The following MAP2K1 variants were observed in gnomAD, a reference collection of about 807,000 sequenced individuals.
MAP2K1 encodes the protein mitogen-activated protein kinase kinase 1.
Under a neutral mutation model 46.3 loss-of-function variants are expected in MAP2K1, and 16 were observed. That is an observed-to-expected ratio of 0.35 (90% CI 0.23 to 0.52). MAP2K1 has a LOEUF of 0.52. Ranked by LOEUF, MAP2K1 falls within the 20% of genes least tolerant of loss-of-function variation. MAP2K1 has a pLI of 0.94. For synonymous variants in MAP2K1, 183 were observed against 185.6 expected (o/e 0.99, Z 0.11); for missense variants, 263 against 497.1 (o/e 0.53, Z 4.48).
chr15:66,403,181 A>G (rs1222789030), intron 1 of MAP2K1, among the ~76,000 whole-genome samples: 1 of 152,202 alleles, frequency 6.6e-6, no homozygotes, highest in Non-Finnish European at 1.5e-5. Flanking sequence ...CATATTACAT[A>G]CAGTACATGT....
chr15:66,479,378 G>A (rs571853339), intron 5 of MAP2K1, among the ~76,000 whole-genome samples: 1 of 152,296 alleles, frequency 6.6e-6, no homozygotes, highest in Admixed American at 6.5e-5. Flanking sequence ...GATTACAGGC[G>A]TGAGCCACCA....
At chr15:66,392,255 GTTTTTTTTT>G (rs58831070) in intron 1 of MAP2K1, among the ~76,000 whole-genome samples, 1 of 97,758 alleles carries the variant, frequency 1.0e-5, no homozygotes, top group African/African-American at 4.5e-5. Flanking sequence ...TTTTTTTTGG[GTTTTTTTTT>G]TTTTTTTTTT....
At chr15:66,487,602 CAAA>C (rs753647940) in intron 8 of MAP2K1, among the ~76,000 whole-genome samples, 3 of 146,872 alleles carry the variant, frequency 2.0e-5, no homozygotes, top group Non-Finnish European at 2.9e-5. Context: ...CAAAACAAAA[CAAA>C]AAAACAAAAA....
chr15:66,464,454 G>A (rs931631432), intron 5 of MAP2K1, among the ~76,000 whole-genome samples: 4 of 152,152 alleles, frequency 2.6e-5, no homozygotes, highest in Admixed American at 6.5e-5. Context: ...CTTTAAGAAA[G>A]CACAGCTTAG....
chr15:66,474,864 A>G (rs1409177657), intron 5 of MAP2K1, among the ~76,000 whole-genome samples: 7 of 151,522 alleles, frequency 4.6e-5, no homozygotes, highest in Non-Finnish European at 7.4e-5. Flanking sequence ...AGATCATGCC[A>G]CTGCACGCTA....
chr15:66,456,955 G>C (rs1892179822), intron 5 of MAP2K1, among the ~76,000 whole-genome samples: 1 of 152,162 alleles, frequency 6.6e-6, no homozygotes, highest in South Asian at 2.1e-4. Flanking sequence ...GGGTCAGAAA[G>C]ACAAAACACT....
intron 1 of MAP2K1, among the ~76,000 whole-genome samples, chr15:66,427,522 C>T (rs542829051): frequency 2.6e-5 from 4 of 151,312 alleles, no homozygotes; most frequent in African/African-American, 9.7e-5. Context: ...TGCACCACTG[C>T]ACTCCAGCCT....
intron 1 of MAP2K1, among the ~76,000 whole-genome samples, chr15:66,393,605 C>T (rs143089389): frequency 6.6e-6 from 1 of 152,218 alleles, no homozygotes; most frequent in Non-Finnish European, 1.5e-5. Flanking sequence ...TTTCCTTAAT[C>T]TGTAAAGTGG....
intron 5 of MAP2K1, among the ~76,000 whole-genome samples, chr15:66,464,341 T>C (rs766516348): frequency 6.6e-6 from 1 of 152,150 alleles, no homozygotes; most frequent in South Asian, 2.1e-4. Flanking sequence ...AAAAGTGATA[T>C]AGGCCACATT....
intron 1 of MAP2K1, among the ~76,000 whole-genome samples, chr15:66,402,897 A>G (rs1310617249): frequency 6.6e-6 from 1 of 152,200 alleles, no homozygotes; most frequent in Non-Finnish European, 1.5e-5. Flanking sequence ...CTGGTGTCTC[A>G]GGGAACACTA....
rs763249437 is a variant in MAP2K1 at position 66,489,241 on chromosome 15, G to A, written c.987G>A (p.Val329=). 2 of 1,614,136 alleles carry A rather than the reference G, an allele frequency of 1.2e-6. No homozygotes were observed. The highest frequency in any genetic ancestry group is 1.7e-6 in the Non-Finnish European group (2 of 1,179,994). The change falls in exon 9 of 11, where the codon GTG becomes GTA. Residue 329 remains valine, a synonymous_variant. Coordinates refer to ENST00000307102, the MANE Select transcript of MAP2K1 (RefSeq NM_002755.4). Reference sequence around the variant, plus strand: ...CTCCTCCAAAACTGCCCAGTGGAGTGTTCAGTCTGGAATTTCAAGATTTTG... The same window carrying A: ...CTCCTCCAAAACTGCCCAGTGGAGTATTCAGTCTGGAATTTCAAGATTTTG... ...NEPPPKLPSG[V]FSLEFQDFVN...
intron 1 of MAP2K1, among the ~76,000 whole-genome samples, chr15:66,430,648 C>G (rs1663565285): frequency 6.6e-6 from 1 of 152,094 alleles, no homozygotes; most frequent in African/African-American, 2.4e-5. Flanking sequence ...TGAACTTGTC[C>G]CTTTGGGCCT....
At chr15:66,435,326 C>A in intron 2 of MAP2K1, 89 bp downstream of exon 2, 2 of 1,054,186 alleles carry the variant, frequency 1.9e-6, no homozygotes, top group Non-Finnish European at 2.9e-6. Context: ...ACTGATTTTA[C>A]TCAATACCTT....
At chr15:66,473,092 T>G (rs1892678406) in intron 5 of MAP2K1, among the ~76,000 whole-genome samples, 1 of 152,190 alleles carries the variant, frequency 6.6e-6, no homozygotes. Context: ...TGTAGGTGGT[T>G]GATTGGGTTT....
rs2093415047 is a variant in MAP2K1, at chr15:66,412,980, C to A, written c.81-22047C>A. ...GCGTGATCTCGGCTCACTGCAACCT[C>A]CACCTCCCAGGTTCAAGCAATTCTC... On this transcript the variant is annotated intron_variant, in intron 1 of 10. Transcript: ENST00000307102. Among the ~76,000 whole-genome samples the A allele has an allele frequency of 2.0e-5, 3 of 152,116 alleles. No homozygotes were observed. The South Asian group carries it at 6.2e-4, about 31-fold the overall frequency.
At chr15:66,449,020 A>C (rs1160880568) in intron 5 of MAP2K1, among the ~76,000 whole-genome samples, 1 of 150,894 alleles carries the variant, frequency 6.6e-6, no homozygotes, top group African/African-American at 2.4e-5. Context: ...AAAAAAAAAA[A>C]AAAAAAAACA....
At chr15:66,454,767 C>T (rs1892119909) in intron 5 of MAP2K1, among the ~76,000 whole-genome samples, 1 of 152,004 alleles carries the variant, frequency 6.6e-6, no homozygotes, top group Non-Finnish European at 1.5e-5. Context: ...CCTGTAATCC[C>T]AGCTGCTCGG....
chr15:66,462,432 G>A (rs1457173528), intron 5 of MAP2K1, among the ~76,000 whole-genome samples: 3 of 149,442 alleles, frequency 2.0e-5, no homozygotes, highest in African/African-American at 7.5e-5. Context: ...GGGAGGCGGA[G>A]GTTGCAGTGA....
At chr15:66,426,974 C>T (rs1011088529) in intron 1 of MAP2K1, among the ~76,000 whole-genome samples, 2 of 152,200 alleles carry the variant, frequency 1.3e-5, no homozygotes, top group Non-Finnish European at 2.9e-5. Flanking sequence ...TTCTTGCCTG[C>T]ATATAAACCC....
Sources: allele counts gnomAD v4.1 joint callset (sites outside exome capture counted in the v4.1 genomes callset), GRCh38; gene constraint gnomAD v4.1.1; transcripts MANE v1.5; gene names NCBI Gene and HGNC (gene_info 2026-07-23, HGNC 2026-07-21).